BMP6: variants seen among roughly 807,000 people sequenced by gnomAD.
The protein encoded by BMP6 is bone morphogenetic protein 6.
A neutral mutation model predicts 54.1 loss-of-function variants in BMP6; 17 were observed. The observed-to-expected ratio is 0.31, with a 90% CI of 0.22 to 0.47. BMP6 has a LOEUF of 0.47. BMP6 is among the 20% of genes least tolerant of loss of function. The pLI, the probability that BMP6 is intolerant of heterozygous loss-of-function variation, is 1.00. For missense variants in BMP6, 720 were observed against 690.4 expected (o/e 1.04, Z -0.48); for synonymous variants, 328 against 291.2 (o/e 1.13, Z -1.28).
chr6:7,871,531 T>A (rs1487757126), intron 4 of BMP6, among the ~76,000 whole-genome samples: 1 of 152,244 alleles, frequency 6.6e-6, no homozygotes, highest in East Asian at 1.9e-4. Flanking sequence ...AACCCACCTA[T>A]GGCTGGGCCC....
At position 7,795,636 on chromosome 6, in the gene BMP6, AAG is replaced by A. The variant is rs1758180466; in HGVS notation, c.665-49499_665-49498del. Among the ~76,000 whole-genome samples, 3 of 152,266 alleles carry A rather than the reference AAG, an allele frequency of 2.0e-5. No homozygotes were observed. The South Asian group carries it at 6.2e-4, about 32-fold the overall frequency. The stretch of plus-strand genomic sequence containing the variant: ...TTAGGTACACTGCTGGGTGGCAACG[AAG>A]AGAGTGCATGGGATAGAACTTGGAG... On this transcript the variant is annotated intron_variant, in intron 1 of 6. Transcript: ENST00000283147.
intron 1 of BMP6, among the ~76,000 whole-genome samples, chr6:7,814,316 A>T (rs1242578582): frequency 2.0e-5 from 3 of 152,192 alleles, no homozygotes; most frequent in Non-Finnish European, 4.4e-5. Context: ...CATCATGTTT[A>T]TACTCCTGGG....
At chr6:7,818,871 G>T (rs541033004) in intron 1 of BMP6, among the ~76,000 whole-genome samples, 5 of 152,332 alleles carry the variant, frequency 3.3e-5, no homozygotes, top group African/African-American at 1.2e-4. Flanking sequence ...TCTGGGGAAG[G>T]GAGATCTTTT....
chr6:7,845,494 G>A (rs904227294), intron 2 of BMP6, among the ~76,000 whole-genome samples, 162 bp downstream of exon 2: 5 of 152,188 alleles, frequency 3.3e-5, no homozygotes, highest in African/African-American at 1.2e-4. Flanking sequence ...TTTAGCTGGT[G>A]AGATCTTTTG....
chr6:7,855,790 C>T (rs1175634661), intron 2 of BMP6, among the ~76,000 whole-genome samples: 6 of 151,744 alleles, frequency 4.0e-5, no homozygotes, highest in East Asian at 1.9e-4. Flanking sequence ...CAGCCTCCCA[C>T]GGTGCTGGGA....
chr6:7,737,793 C>A lies in BMP6; in HGVS notation c.664+10174C>A, dbSNP rs73379758. Among the ~76,000 whole-genome samples the A allele has an allele frequency of 1.9e-3, 294 of 152,270 alleles. 2 individuals are homozygous for A. The highest frequency in any genetic ancestry group is 6.7e-3 in the African/African-American group (278 of 41,550). On this transcript the variant is annotated intron_variant, in intron 1 of 6. Transcript: ENST00000283147. ...GTCCATGGAGTCTGGGAGTTTTCTA[C>A]CACAGAAATGACTCATTTTCACCCA...
intron 1 of BMP6, among the ~76,000 whole-genome samples, chr6:7,747,926 G>A (rs1046492477): frequency 3.3e-5 from 5 of 152,254 alleles, no homozygotes; most frequent in South Asian, 2.1e-4. Flanking sequence ...GATTATAGGC[G>A]TGAGCCACTG....
intron 1 of BMP6, among the ~76,000 whole-genome samples, chr6:7,756,826 T>G (rs1236917785): frequency 6.6e-6 from 1 of 152,204 alleles, no homozygotes; most frequent in Non-Finnish European, 1.5e-5. Context: ...ACTCCATATA[T>G]TATGAGGTGA....
At chr6:7,802,048 G>A (rs563430216) in intron 1 of BMP6, among the ~76,000 whole-genome samples, 1 of 152,300 alleles carries the variant, frequency 6.6e-6, no homozygotes, top group African/African-American at 2.4e-5. Flanking sequence ...TCTGCTTCCT[G>A]AACACAGAGG....
chr6:7,841,682 A>G (rs1758972830), intron 1 of BMP6, among the ~76,000 whole-genome samples: 1 of 152,058 alleles, frequency 6.6e-6, no homozygotes, highest in Non-Finnish European at 1.5e-5. Context: ...AGAAGACCAG[A>G]CGGTAATGGG....
At chr6:7,843,161 C>T (rs1759003955) in intron 1 of BMP6, among the ~76,000 whole-genome samples, 1 of 152,114 alleles carries the variant, frequency 6.6e-6, no homozygotes, top group African/African-American at 2.4e-5. Flanking sequence ...AGAAAACCTG[C>T]TCTCTTGTTG....
chr6:7,866,555 C>T (rs75312246), intron 4 of BMP6, among the ~76,000 whole-genome samples: 3 of 152,364 alleles, frequency 2.0e-5, no homozygotes, highest in Non-Finnish European at 4.4e-5. Flanking sequence ...TTTCATTTGG[C>T]TAATTTTCCG....
At chr6:7,799,329 G>A (rs1486154801) in intron 1 of BMP6, among the ~76,000 whole-genome samples, 1 of 152,114 alleles carries the variant, frequency 6.6e-6, no homozygotes, top group Non-Finnish European at 1.5e-5. Context: ...TAGGGGACAG[G>A]GTCAGGTGCG....
At chr6:7,764,560 C>T (rs1226103) in intron 1 of BMP6, among the ~76,000 whole-genome samples, 72,520 of 151,952 alleles carry the variant, frequency 0.48, 18,147 homozygotes, top group Non-Finnish European at 0.56. Flanking sequence ...ATCAGATGTT[C>T]GTTCTGATGG....
chr6:7,736,403 C>T (rs1761955846), intron 1 of BMP6, among the ~76,000 whole-genome samples: 1 of 152,198 alleles, frequency 6.6e-6, no homozygotes, highest in Non-Finnish European at 1.5e-5. Flanking sequence ...AATATTTTTC[C>T]TTTCTGAAAA....
At chr6:7,749,176 C>T (rs1299978126) in intron 1 of BMP6, among the ~76,000 whole-genome samples, 1 of 152,200 alleles carries the variant, frequency 6.6e-6, no homozygotes, top group African/African-American at 2.4e-5. Flanking sequence ...TTCCACGTCA[C>T]CAATATGATT....
intron 1 of BMP6, among the ~76,000 whole-genome samples, chr6:7,778,302 G>T (rs543107880): frequency 1.3e-4 from 20 of 152,348 alleles, no homozygotes; most frequent in Admixed American, 5.2e-4. Flanking sequence ...TGTATTGAGG[G>T]TACTTGTTCC....
At chr6:7,869,128 C>G (rs1581288943) in intron 4 of BMP6, among the ~76,000 whole-genome samples, 1 of 152,368 alleles carries the variant, frequency 6.6e-6, no homozygotes, top group Non-Finnish European at 1.5e-5. Flanking sequence ...ATACTCACAG[C>G]AGCAGCTGCG....
At chr6:7,734,853 C>T (rs1045552222) in intron 1 of BMP6, among the ~76,000 whole-genome samples, 4 of 152,324 alleles carry the variant, frequency 2.6e-5, no homozygotes, top group African/African-American at 4.8e-5. Flanking sequence ...ATGACTGGGT[C>T]GAAGAATCTC....
Sources: allele counts gnomAD v4.1 joint callset (sites outside exome capture counted in the v4.1 genomes callset), GRCh38; gene constraint gnomAD v4.1.1; transcripts MANE v1.5; gene names NCBI Gene and HGNC (gene_info 2026-07-23, HGNC 2026-07-21).